ATXN1: variants seen among roughly 807,000 people sequenced by gnomAD.
The protein encoded by ATXN1 is ataxin 1.
ATXN1 carries 8 observed loss-of-function variants against 56.4 expected under a neutral mutation model. The ratio of observed to expected loss-of-function variants is 0.14; its 90% confidence interval spans 0.08 to 0.26. The LOEUF is 0.26. Ranked by LOEUF, ATXN1 falls within the 10% of genes least tolerant of loss-of-function variation. The pLI is 1.00. For synonymous variants in ATXN1, 514 were observed against 494.6 expected (o/e 1.04, Z -0.52); for missense variants, 987 against 1,106.5 (o/e 0.89, Z 1.53).
intron 2 of ATXN1, among the ~76,000 whole-genome samples, chr6:16,687,070 T>C (rs1758933879): frequency 6.6e-6 from 1 of 152,064 alleles, no homozygotes. Context: ...ACTTCTAAAA[T>C]AAAAAGCACC....
rs148975910 is a variant in ATXN1, at chr6:16,601,527, G to A, written c.-488-15620C>T. Among the ~76,000 whole-genome samples the A allele has an allele frequency of 4.0e-3, 614 of 152,204 alleles. 4 individuals are homozygous for A. The highest frequency in any genetic ancestry group is 5.9e-3 in the Non-Finnish European group (401 of 68,004). ...TTCTATTCTGACTTTCTAACAGGATGCAATCTGAGAGCCAGCCAGCCACTT... is the reference window on the plus strand; with the variant it reads ...TTCTATTCTGACTTTCTAACAGGATACAATCTGAGAGCCAGCCAGCCACTT... On this transcript the variant is annotated intron_variant, in intron 3 of 7. Transcript: ENST00000436367.
At chr6:16,489,931 T>G (rs763513061) in intron 5 of ATXN1, among the ~76,000 whole-genome samples, 1 of 152,112 alleles carries the variant, frequency 6.6e-6, no homozygotes, top group Non-Finnish European at 1.5e-5. Context: ...GTCAGATAAT[T>G]TGTATTTCTG....
chr6:16,583,553 C>A (rs1040403351), intron 4 of ATXN1, among the ~76,000 whole-genome samples: 1 of 152,058 alleles, frequency 6.6e-6, no homozygotes, highest in East Asian at 1.9e-4. Context: ...AAGAGATGAG[C>A]CAACTAGGGC....
chr6:16,356,182 C>T (rs998311966), intron 6 of ATXN1, among the ~76,000 whole-genome samples: 6 of 152,198 alleles, frequency 3.9e-5, no homozygotes, highest in African/African-American at 1.4e-4. Context: ...AAGTGATGTC[C>T]TCTCTTCTTC....
At chr6:16,725,973 T>G (rs1315726829) in intron 2 of ATXN1, among the ~76,000 whole-genome samples, 1 of 152,110 alleles carries the variant, frequency 6.6e-6, no homozygotes, top group African/African-American at 2.4e-5. Context: ...GCCCTCTGAC[T>G]CCTCCTCCCC....
intron 6 of ATXN1, among the ~76,000 whole-genome samples, chr6:16,450,992 G>A (rs1437986401): frequency 6.6e-6 from 1 of 152,204 alleles, no homozygotes; most frequent in Non-Finnish European, 1.5e-5. Context: ...AAGGGCCAAC[G>A]CTATGAAGAG....
intron 7 of ATXN1, among the ~76,000 whole-genome samples, chr6:16,323,356 T>C (rs1276459821): frequency 5.3e-5 from 8 of 151,712 alleles, no homozygotes; most frequent in African/African-American, 1.5e-4. Context: ...CTGTCTCTAC[T>C]AAAAATACAA....
chr6:16,408,037 G>A (rs1219664650), intron 6 of ATXN1, among the ~76,000 whole-genome samples: 2 of 152,152 alleles, frequency 1.3e-5, no homozygotes, highest in Non-Finnish European at 2.9e-5. Context: ...GCATGGGGGT[G>A]TCAACAACAG....
chr6:16,565,721 T>C (rs1473476598), intron 4 of ATXN1, among the ~76,000 whole-genome samples: 1 of 152,182 alleles, frequency 6.6e-6, no homozygotes. Flanking sequence ...AATTTCCAGG[T>C]AAACCATGTT....
intron 7 of ATXN1, among the ~76,000 whole-genome samples, chr6:16,307,538 G>A (rs1760280041): frequency 6.6e-6 from 1 of 152,078 alleles, no homozygotes; most frequent in African/African-American, 2.4e-5. Context: ...GCCATGCGTG[G>A]TGGCGGGCAC....
chr6:16,360,667 C>A (rs138242027), intron 6 of ATXN1, among the ~76,000 whole-genome samples: 17 of 152,294 alleles, frequency 1.1e-4, no homozygotes, highest in African/African-American at 3.1e-4. Flanking sequence ...TTCCAAAAGT[C>A]CTTTAGCCAA....
chr6:16,563,062 A>T (rs890002528), intron 4 of ATXN1, among the ~76,000 whole-genome samples: 5 of 152,090 alleles, frequency 3.3e-5, no homozygotes, highest in African/African-American at 1.2e-4. Context: ...ACAGCATGCA[A>T]CACTTGTCTG....
chr6:16,646,630 T>C (rs1763802018), intron 3 of ATXN1, among the ~76,000 whole-genome samples: 1 of 152,242 alleles, frequency 6.6e-6, no homozygotes, highest in African/African-American at 2.4e-5. Flanking sequence ...CTCCACACCT[T>C]TGGGCACACG....
chr6:16,367,006 TC>T (rs1253862904), intron 6 of ATXN1, among the ~76,000 whole-genome samples: 2 of 152,182 alleles, frequency 1.3e-5, no homozygotes, highest in African/African-American at 4.8e-5. Flanking sequence ...AAACTGGAGA[TC>T]TGTAGCTTTT....
At chr6:16,737,720 G>T (rs1054771417) in intron 2 of ATXN1, 1 of 152,118 alleles carries the variant, frequency 6.6e-6, no homozygotes, top group Admixed American at 6.6e-5. Flanking sequence ...TGAGCAAGAT[G>T]AAATCCCAGA....
In ATXN1 at chr6:16,304,165, A is replaced by G. The variant is rs1046467213; in HGVS notation, c.*2164T>C. On this transcript the variant is annotated 3_prime_UTR_variant, in exon 8 of 8. Transcript: ENST00000436367. ...CTAGACAGCCAAAATGTGGGTTGAT[A>G]CCAGATTTTTTTTTTAATTTGTGAA... The G allele has an allele frequency of 4.6e-5, 7 of 152,542 alleles. No homozygotes were observed. Among genetic ancestry groups the G allele is most frequent in the African/African-American group, 1.7e-4 (7 of 41,458 alleles). The allele number at this position is 152,542 out of a possible 1,614,324, so 9.4% of individuals were successfully genotyped here.
rs138779024 is a variant in ATXN1, at chr6:16,327,238, G to C, written c.1073C>G (p.Ser358Cys). 56 of 1,613,424 alleles carry C rather than the reference G, an allele frequency of 3.5e-5. No individual in the cohort carries two copies. The highest frequency in any genetic ancestry group is 8.3e-5 in the Admixed American group (5 of 60,012). The change falls in exon 7 of 8, where the codon TCC (serine) becomes TGC (cysteine). Residue 358 changes from serine to cysteine, a missense_variant. Ser to Cys is a moderately radical substitution (Grantham distance 112). Coordinates refer to ENST00000436367, the MANE Select transcript of ATXN1 (RefSeq NM_001128164.2). ...GGKSVPHPYE[S>C]RHVVVHPSPS... is the part of the protein sequence containing the mutation. ...GCTCGGGTGGACCACCACGTGCCTG[G>C]ACTCGTACGGGTGAGGAACCGACTT...
intron 2 of ATXN1, among the ~76,000 whole-genome samples, chr6:16,718,828 T>C (rs539691275): frequency 2.0e-5 from 3 of 152,316 alleles, no homozygotes; most frequent in African/African-American, 2.4e-5. Context: ...GTGCACACAA[T>C]GTATACATGA....
chr6:16,757,759 C>CCCGG (rs1156280813), intron 1 of ATXN1, among the ~76,000 whole-genome samples: 52 of 149,780 alleles, frequency 3.5e-4, no homozygotes, highest in African/African-American at 1.2e-3. Flanking sequence ...AAATACTCCC[C>CCCGG]CCCGCCCGCC....
Sources: allele counts gnomAD v4.1 joint callset (sites outside exome capture counted in the v4.1 genomes callset), GRCh38; gene constraint gnomAD v4.1.1; transcripts MANE v1.5; gene names NCBI Gene and HGNC (gene_info 2026-07-23, HGNC 2026-07-21).